Variants in PIK3C2A observed in about 807,000 individuals in gnomAD.
The protein encoded by PIK3C2A is phosphatidylinositol-4-phosphate 3-kinase catalytic subunit type 2 alpha.
Under a neutral mutation model 204.5 loss-of-function variants are expected in PIK3C2A, and 97 were observed. The observed-to-expected ratio is 0.47, with a 90% CI of 0.40 to 0.56. The LOEUF is 0.56. Ranked by LOEUF, PIK3C2A falls within the 20% of genes least tolerant of loss-of-function variation. The probability of loss-of-function intolerance (pLI) is 0.00; values close to 1 mark genes in which losing one functional copy is unlikely to be tolerated. For missense variants in PIK3C2A, 1,735 were observed against 1,969.2 expected (o/e 0.88, Z 2.25); for synonymous variants, 653 against 664.4 (o/e 0.98, Z 0.26).
chr11:17,179,372 G>C (rs529041006), intron 1 of PIK3C2A, among the ~76,000 whole-genome samples: 1 of 152,054 alleles, frequency 6.6e-6, no homozygotes, highest in Non-Finnish European at 1.5e-5. Flanking sequence ...GTGTTGCCCA[G>C]GCTGGTCTCA....
chr11:17,147,396 A>G, intron 6 of PIK3C2A, 121 bp downstream of exon 6: 1 of 611,798 alleles, frequency 1.6e-6, no homozygotes, highest in East Asian at 2.9e-5. Flanking sequence ...CCTGTTGAGG[A>G]TGAGTTCATC....
intron 2 of PIK3C2A, among the ~76,000 whole-genome samples, chr11:17,158,195 A>G (rs1193959798): frequency 3.3e-5 from 5 of 151,890 alleles, no homozygotes; most frequent in Non-Finnish European, 5.9e-5. Context: ...CTAAAAATAC[A>G]AAATTAGCCG....
intron 8 of PIK3C2A, among the ~76,000 whole-genome samples, chr11:17,137,675 C>A (rs1849919289): frequency 6.6e-6 from 1 of 152,162 alleles, no homozygotes; most frequent in South Asian, 2.1e-4. Context: ...TCCCAAAGTG[C>A]TGGGATGACA....
chr11:17,117,648 T>C lies in PIK3C2A; in HGVS notation c.3059A>G (p.Asp1020Gly). The C allele has an allele frequency of 1.2e-6, 2 of 1,604,738 alleles. No individual in the cohort carries two copies. Among genetic ancestry groups the C allele is most frequent in the Admixed American group, 1.7e-5 (1 of 59,302 alleles). The stretch of plus-strand genomic sequence containing the variant: ...TTCGTATCGGGTACTAAACTGTACA[T>C]CATGCAGGGCATCTTTGAGAAGCCT... ...LYWLLKDALH[D>G]VQFSTRYEHV... is the part of the protein sequence containing the mutation. Residue 1020 changes from aspartate (D) to glycine (G), a missense_variant, in exon 19 of 33, where the codon GAT becomes GGT. By Grantham distance (94) the Asp-to-Gly change is moderately conservative (BLOSUM62 -1). Coordinates refer to ENST00000691414, the MANE Select transcript of PIK3C2A (RefSeq NM_002645.4).
At chr11:17,187,387 G>A (rs1338263569) in intron 1 of PIK3C2A, among the ~76,000 whole-genome samples, 1 of 152,058 alleles carries the variant, frequency 6.6e-6, no homozygotes. Flanking sequence ...GCTTTATTGA[G>A]ATATAACTCA....
In PIK3C2A at chr11:17,173,646, G is replaced by A. The variant is rs544887891; in HGVS notation, c.-65-3840C>T. Among the ~76,000 whole-genome samples, 3 of 152,288 alleles carry A rather than the reference G, an allele frequency of 2.0e-5. No individual in the cohort carries two copies. In the South Asian group the frequency reaches 6.2e-4, roughly 32 times the overall value. On this transcript the variant is annotated intron_variant, in intron 1 of 32. Transcript: ENST00000691414. ...TTTCTGCCATAACAAAAAATGTCCT[G>A]ATTAACACAGAATCTGTGAACCTAT...
Position 17,117,606 on chromosome 11 carries a change from A to T in PIK3C2A, c.3101T>A (p.Leu1034His). The change falls in exon 19 of 33, where the codon CTC (leucine) becomes CAC (histidine). Residue 1034 changes from leucine to histidine, a missense_variant. This residue lies in a region of PIK3C2A where 567 missense variants were observed against 576.0 expected (regional missense o/e 0.98). Transcript: ENST00000691414. ...AAGTCGTTTTCCTCCTACTGACAGG[A>T]GAGCACCCAAAACATGTTCGTATCG... ...STRYEHVLGA[L>H]LSVGGKRLRE... 1 of 1,613,102 alleles carries T rather than the reference A, an allele frequency of 6.2e-7. No individual in the cohort carries two copies. The highest frequency in any genetic ancestry group is 8.5e-7 in the Non-Finnish European group (1 of 1,179,292).
At chr11:17,101,180 G>A (rs930096686) in intron 25 of PIK3C2A, 98 bp downstream of exon 25, 5 of 739,512 alleles carry the variant, frequency 6.8e-6, no homozygotes, top group African/African-American at 1.7e-5. Context: ...TGTGACTAAA[G>A]CAAATTTTAT....
Position 17,117,626 on chromosome 11 carries a change from G to C in PIK3C2A, c.3081C>G (p.Tyr1027Ter), listed in dbSNP as rs1211430835. 1 of 1,611,286 alleles carries C rather than the reference G, an allele frequency of 6.2e-7. No individual in the cohort carries two copies. The highest frequency in any genetic ancestry group is 8.5e-7 in the Non-Finnish European group (1 of 1,178,610). Reference sequence around the variant, plus strand: ...ACAGGAGAGCACCCAAAACATGTTCGTATCGGGTACTAAACTGTACATCAT... The same window carrying C: ...ACAGGAGAGCACCCAAAACATGTTCCTATCGGGTACTAAACTGTACATCAT... ...ALHDVQFSTR[Y>*]EHVLGALLSV... Residue 1027 changes from tyrosine (Y) to a stop codon, truncating the protein, a stop_gained, in exon 19 of 33, where the codon TAC becomes TAG. Transcript: ENST00000691414. LOFTEE classifies it high-confidence loss of function.
At chr11:17,113,315 G>C (rs1849059845) in intron 20 of PIK3C2A, among the ~76,000 whole-genome samples, 1 of 152,114 alleles carries the variant, frequency 6.6e-6, no homozygotes, top group Non-Finnish European at 1.5e-5. Context: ...AAACTTTAAA[G>C]TTTGAGCTTT....
chr11:17,113,598 A>G (rs1849069664), intron 20 of PIK3C2A, among the ~76,000 whole-genome samples: 1 of 151,670 alleles, frequency 6.6e-6, no homozygotes, highest in South Asian at 2.1e-4. Context: ...CCTGGCCAAC[A>G]CGGCGAAACC....
intron 15 of PIK3C2A, among the ~76,000 whole-genome samples, chr11:17,121,933 T>G (rs1056444934): frequency 4.0e-5 from 6 of 151,786 alleles, no homozygotes; most frequent in African/African-American, 1.5e-4. Flanking sequence ...CTTGACAAAT[T>G]TCTAAAATTT....
intron 12 of PIK3C2A, among the ~76,000 whole-genome samples, chr11:17,129,879 G>C (rs571274540): frequency 1.3e-5 from 2 of 152,160 alleles, no homozygotes; most frequent in Non-Finnish European, 2.9e-5. Context: ...GAGCCACCAC[G>C]CCAGCCTCAA....
intron 3 of PIK3C2A, among the ~76,000 whole-genome samples, chr11:17,151,696 T>G (rs1590967063): frequency 6.6e-6 from 1 of 152,298 alleles, no homozygotes; most frequent in Admixed American, 6.5e-5. Context: ...CTGATAGGGT[T>G]GTTGTGAGAA....
Position 17,147,517 on chromosome 11 carries a change from T to A in PIK3C2A, c.1560A>T (p.Thr520=), listed in dbSNP as rs1161392113. ...FSAMCQNLAR[T]AEDDETPVDL... The stretch of plus-strand genomic sequence containing the variant: ...ATTCAGTTATGAGGTACACACTTAC[T>A]GTTCGGGCCAGATTTTGACACATTG... The change falls in exon 6 of 33, where the codon ACA becomes ACT. Residue 520 remains threonine (T), a splice_region_variant and synonymous_variant. Transcript: ENST00000691414. The A allele has an allele frequency of 6.5e-7, 1 of 1,544,976 alleles. No homozygotes were observed. The highest frequency in any genetic ancestry group is 8.9e-7 in the Non-Finnish European group (1 of 1,117,538).
At chr11:17,111,970 AG>A (rs998115006) in intron 21 of PIK3C2A, among the ~76,000 whole-genome samples, 1 of 152,110 alleles carries the variant, frequency 6.6e-6, no homozygotes, top group Admixed American at 6.5e-5. Context: ...GTTTAGAAAA[AG>A]GCACCTACAT....
intron 32 of PIK3C2A, 86 bp downstream of exon 32, chr11:17,091,248 C>A: frequency 8.2e-7 from 1 of 1,221,094 alleles, no homozygotes; most frequent in Admixed American, 2.0e-5. Context: ...CAAACTTGCA[C>A]ATCCTGCTTA....
At chr11:17,113,301 A>T (rs1849059390) in intron 20 of PIK3C2A, among the ~76,000 whole-genome samples, 1 of 152,148 alleles carries the variant, frequency 6.6e-6, no homozygotes, top group Admixed American at 6.5e-5. Context: ...AAAACTTGAG[A>T]CACAAACTTT....
At chr11:17,133,967 A>G (rs950755201) in intron 11 of PIK3C2A, among the ~76,000 whole-genome samples, 2 of 152,010 alleles carry the variant, frequency 1.3e-5, no homozygotes, top group Non-Finnish European at 2.9e-5. Flanking sequence ...ACCAGTCTTA[A>G]ATTGCCTAAT....
Sources: gnomAD v4.1 joint callset for allele counts (sites outside exome capture counted in the v4.1 genomes callset) on GRCh38, gnomAD v4.1.1 for gene constraint, gnomAD v4.1.1 regional missense constraint, MANE v1.5 for transcripts, NCBI Gene and HGNC (gene_info 2026-07-23, HGNC 2026-07-21) for gene names.